The following DOCK3 variants were observed in gnomAD, a reference collection of about 807,000 sequenced individuals.
DOCK3 encodes dedicator of cytokinesis protein 3.
In DOCK3, 60 loss-of-function variants were observed where a neutral mutation model predicts 265.6. That is an observed-to-expected ratio of 0.23 (90% CI 0.18 to 0.28). The LOEUF (loss-of-function observed/expected upper bound fraction) is 0.28. Ranked by LOEUF, DOCK3 falls within the 10% of genes least tolerant of loss-of-function variation. DOCK3 has a pLI of 1.00. For missense variants in DOCK3, 1,981 were observed against 2,594.3 expected (o/e 0.76, Z 5.14); for synonymous variants, 881 against 938.0 (o/e 0.94, Z 1.11).
At chr3:51,076,177 G>T (rs1330259976) in intron 7 of DOCK3, among the ~76,000 whole-genome samples, 1 of 152,154 alleles carries the variant, frequency 6.6e-6, no homozygotes, top group African/African-American at 2.4e-5. Flanking sequence ...TAAGTAATAT[G>T]CAAATAACAT....
At chr3:50,872,351 C>T (rs1170456775) in intron 3 of DOCK3, among the ~76,000 whole-genome samples, 1 of 152,240 alleles carries the variant, frequency 6.6e-6, no homozygotes, top group African/African-American at 2.4e-5. Flanking sequence ...TATTACCAGA[C>T]AGAGACTCTT....
chr3:51,038,081 C>T (rs1450197127), intron 5 of DOCK3, among the ~76,000 whole-genome samples: 1 of 152,100 alleles, frequency 6.6e-6, no homozygotes, highest in African/African-American at 2.4e-5. Context: ...ACTTTTACCA[C>T]GATTTTTGCA....
intron 21 of DOCK3, among the ~76,000 whole-genome samples, chr3:51,239,854 TATTA>T (rs1484277464): frequency 2.0e-5 from 3 of 152,166 alleles, no homozygotes; most frequent in African/African-American, 7.2e-5. Flanking sequence ...TTTTCTTCTT[TATTA>T]GTCTAGCTAG....
intron 1 of DOCK3, among the ~76,000 whole-genome samples, chr3:50,760,781 T>C (rs2040478161): frequency 6.6e-6 from 1 of 151,950 alleles, no homozygotes; most frequent in Admixed American, 6.6e-5. Flanking sequence ...TAATGTGGAT[T>C]CTTTTTTTTT....
intron 4 of DOCK3, among the ~76,000 whole-genome samples, chr3:50,918,434 T>A (rs1158246971): frequency 6.6e-6 from 1 of 152,172 alleles, no homozygotes; most frequent in Non-Finnish European, 1.5e-5. Context: ...GTTAACTGAC[T>A]TTTTAATGAT....
At chr3:51,145,588 GA>G (rs764032976) in intron 9 of DOCK3, among the ~76,000 whole-genome samples, 21 of 152,162 alleles carry the variant, frequency 1.4e-4, no homozygotes, top group South Asian at 4.1e-4. Flanking sequence ...AACATCGTGA[GA>G]TTTTTTTTAT....
At chr3:51,021,136 A>C (rs911382264) in intron 5 of DOCK3, among the ~76,000 whole-genome samples, 1 of 151,784 alleles carries the variant, frequency 6.6e-6, no homozygotes, top group African/African-American at 2.4e-5. Flanking sequence ...TGTCCTCTCT[A>C]ATTTCCTTGA....
chr3:51,316,871 T>C (rs577377520), intron 32 of DOCK3, among the ~76,000 whole-genome samples: 1 of 152,330 alleles, frequency 6.6e-6, no homozygotes, highest in African/African-American at 2.4e-5. Flanking sequence ...TTGTTGAGCA[T>C]ATGATTTACA....
chr3:51,214,224 G>A lies in DOCK3; in HGVS notation c.1229G>A (p.Gly410Glu), dbSNP rs867980812. The change falls in exon 14 of 53, where the codon GGA (glycine) becomes GAA (glutamate). Residue 410 changes from glycine (G) to glutamate (E), a missense_variant. Coordinates refer to ENST00000266037, the MANE Select transcript of DOCK3 (RefSeq NM_004947.5). The part of the protein sequence containing the change: ...NRGLAITRKL[G>E]FPDVIMPGDI... ...GGATTGGCAATTACAAGAAAATTGG[G>A]ATTTCCTGATGTCATTATGCCAGGT... 1.2e-6 allele frequency: 2 copies of A among 1,613,708 alleles called. No homozygotes were observed. The highest frequency in any genetic ancestry group is 1.7e-6 in the Non-Finnish European group (2 of 1,179,770).
chr3:51,056,624 A>G (rs534175819), intron 5 of DOCK3, among the ~76,000 whole-genome samples: 32 of 152,292 alleles, frequency 2.1e-4, no homozygotes, highest in African/African-American at 7.5e-4. Flanking sequence ...TTATATTGGG[A>G]TGAGTTTTGG....
intron 23 of DOCK3, 73 bp from the exon 24 acceptor site, chr3:51,270,742 A>G: frequency 6.8e-7 from 1 of 1,467,772 alleles, no homozygotes; most frequent in Non-Finnish European, 9.2e-7. Flanking sequence ...ACCACCTTGT[A>G]TCATTGTCTG....
At chr3:51,201,000 G>A (rs2088716199) in intron 12 of DOCK3, among the ~76,000 whole-genome samples, 1 of 151,988 alleles carries the variant, frequency 6.6e-6, no homozygotes, top group Non-Finnish European at 1.5e-5. Context: ...CACCAGGCCT[G>A]CCCTAAAAGA....
intron 1 of DOCK3, among the ~76,000 whole-genome samples, chr3:50,721,654 C>T (rs949954840): frequency 6.6e-6 from 1 of 152,072 alleles, no homozygotes; most frequent in Non-Finnish European, 1.5e-5. Flanking sequence ...TTGTTCTTTG[C>T]TTAGGATTGT....
chr3:51,141,817 T>C (rs911682193), intron 9 of DOCK3, among the ~76,000 whole-genome samples: 6 of 152,194 alleles, frequency 3.9e-5, no homozygotes, highest in African/African-American at 7.2e-5. Context: ...TTTATAAAGA[T>C]TGAAGATACT....
chr3:51,340,161 C>G (rs1219306782), intron 37 of DOCK3, among the ~76,000 whole-genome samples: 1 of 152,166 alleles, frequency 6.6e-6, no homozygotes, highest in Non-Finnish European at 1.5e-5. Flanking sequence ...TTGCTAAACT[C>G]CTAGGAAACG....
chr3:51,189,348 G>A (rs1560182441), intron 12 of DOCK3, among the ~76,000 whole-genome samples: 2 of 151,794 alleles, frequency 1.3e-5, no homozygotes, highest in Non-Finnish European at 2.9e-5. Context: ...TCAGATTTTT[G>A]TGCACCCATC....
intron 5 of DOCK3, among the ~76,000 whole-genome samples, chr3:50,990,827 G>C (rs143035667): frequency 6.6e-6 from 1 of 152,060 alleles, no homozygotes; most frequent in Non-Finnish European, 1.5e-5. Context: ...TATTTTGGCC[G>C]TGCTGGCAGC....
chr3:50,742,361 G>A (rs1311507121), intron 1 of DOCK3, among the ~76,000 whole-genome samples: 1 of 152,196 alleles, frequency 6.6e-6, no homozygotes, highest in Non-Finnish European at 1.5e-5. Context: ...ACTTTGACGA[G>A]TTGAGAGAAG....
chr3:51,105,528 T>C (rs2083248472), intron 9 of DOCK3, among the ~76,000 whole-genome samples: 2 of 152,198 alleles, frequency 1.3e-5, no homozygotes. Context: ...GGAGAATTGA[T>C]AAATAATTGT....
Sources: allele counts gnomAD v4.1 joint callset (sites outside exome capture counted in the v4.1 genomes callset), GRCh38; gene constraint gnomAD v4.1.1; transcripts MANE v1.5; gene names NCBI Gene and HGNC (gene_info 2026-07-23, HGNC 2026-07-21).